Variants in TCTN3 observed in about 807,000 individuals in gnomAD.
TCTN3 encodes tectonic-3.
TCTN3 carries 57 observed loss-of-function variants against 71.3 expected under a neutral mutation model. The ratio of observed to expected loss-of-function variants is 0.80; its 90% CI spans 0.65 to 1.00. TCTN3 has a LOEUF of 1.00. Among genes scored for constraint, TCTN3 ranks in the 50% least tolerant of loss-of-function variants. The pLI is 0.00. For missense variants in TCTN3, 696 were observed against 719.9 expected (o/e 0.97, Z 0.38); for synonymous variants, 258 against 267.8 (o/e 0.96, Z 0.36).
intron 13 of TCTN3, among the ~76,000 whole-genome samples, chr10:95,672,541 T>C (rs1470182045): frequency 1.3e-5 from 2 of 152,148 alleles, no homozygotes; most frequent in African/African-American, 4.8e-5. Context: ...TGATTGTCAG[T>C]CTTTTTTGTT....
intron 13 of TCTN3, among the ~76,000 whole-genome samples, chr10:95,678,929 G>T (rs1189323110): frequency 6.6e-6 from 1 of 152,114 alleles, no homozygotes; most frequent in African/African-American, 2.4e-5. Flanking sequence ...AATTACCTTT[G>T]CAAATCCCTC....
At chr10:95,673,941 G>A (rs1446400557) in intron 13 of TCTN3, among the ~76,000 whole-genome samples, 1 of 152,168 alleles carries the variant, frequency 6.6e-6, no homozygotes, top group Admixed American at 6.5e-5. Context: ...CCATTGGTCT[G>A]TCTATCTTTA....
intron 13 of TCTN3, among the ~76,000 whole-genome samples, chr10:95,673,454 A>G (rs528092011): frequency 6.6e-6 from 1 of 152,266 alleles, no homozygotes; most frequent in African/African-American, 2.4e-5. Flanking sequence ...AAAAATTTCA[A>G]TAGTTTTTGA....
chr10:95,677,494 T>TTG (rs1566068670), intron 13 of TCTN3, among the ~76,000 whole-genome samples: 9 of 147,352 alleles, frequency 6.1e-5, no homozygotes, highest in East Asian at 5.9e-4. Flanking sequence ...TTTTTTTTTT[T>TTG]TTTTTTTGCT....
At chr10:95,679,660 C>A (rs1019490391) in intron 13 of TCTN3, among the ~76,000 whole-genome samples, 2 of 138,692 alleles carry the variant, frequency 1.4e-5, no homozygotes, top group Non-Finnish European at 3.0e-5. Context: ...GGCGGGATCT[C>A]GGCTCACTGC....
At position 95,693,055 on chromosome 10, in the gene TCTN3, GGGA is replaced by G; in HGVS notation, c.381-20_381-18del. ...CTTGAAGACCTGTGAGGAAAGAGGA[GGGA>G]GAAGATATATTTAGAAGGGGCGGGG... On this transcript the variant is annotated intron_variant, in intron 2 of 13. Transcript: ENST00000371217. 1 of 1,578,190 alleles carries G rather than the reference GGGA, an allele frequency of 6.3e-7. No individual in the cohort carries two copies. Among genetic ancestry groups the G allele is most frequent in the Non-Finnish European group, 8.7e-7 (1 of 1,152,072 alleles).
chr10:95,665,229 C>G (rs1312034727), intron 13 of TCTN3, among the ~76,000 whole-genome samples: 1 of 151,768 alleles, frequency 6.6e-6, no homozygotes. Context: ...CTGCCTCAGC[C>G]TCCTGAGTAA....
intron 12 of TCTN3, among the ~76,000 whole-genome samples, chr10:95,681,877 T>C (rs1589613014): frequency 6.6e-6 from 1 of 152,218 alleles, no homozygotes; most frequent in East Asian, 1.9e-4. Flanking sequence ...GAAAATACAT[T>C]AGGTATTTTA....
intron 12 of TCTN3, among the ~76,000 whole-genome samples, chr10:95,681,232 C>A (rs559030464): frequency 2.0e-5 from 3 of 152,208 alleles, no homozygotes; most frequent in Admixed American, 6.5e-5. Context: ...CCCACCACTA[C>A]ACCTGGCTAA....
At chr10:95,682,493 CAA>C (rs376491636) in intron 12 of TCTN3, among the ~76,000 whole-genome samples, 156 bp downstream of exon 12, 2 of 139,702 alleles carry the variant, frequency 1.4e-5, no homozygotes, top group Non-Finnish European at 1.6e-5. Flanking sequence ...GACTCCATCT[CAA>C]AAAAAAAAAG....
Position 95,678,302 on chromosome 10 carries a change from C to T in TCTN3, c.1590+2170G>A, listed in dbSNP as rs188458386. ...ATCCCAGCACTTTGGGAGGTTGAGG[C>T]GGGTGGATCACCTGAGGTCAGGAGT... On this transcript the variant is annotated intron_variant, in intron 13 of 13. Coordinates refer to ENST00000371217, the MANE Select transcript of TCTN3 (RefSeq NM_015631.6). Among the ~76,000 whole-genome samples the T allele has an allele frequency of 8.6e-3, 1,311 of 152,036 alleles. 31 individuals are homozygous for T. Among genetic ancestry groups the T allele is most frequent in the African/African-American group, 0.03 (1,253 of 41,482 alleles).
At position 95,693,468 on chromosome 10, in the gene TCTN3, T is replaced by A. The variant is rs1263060396; in HGVS notation, c.265A>T (p.Ile89Phe). The change falls in exon 2 of 14, where the codon ATC becomes TTC. Residue 89 changes from isoleucine (I) to phenylalanine (F), a missense_variant. By Grantham distance (21) the Ile-to-Phe change is conservative (BLOSUM62 0). Coordinates refer to ENST00000371217, the MANE Select transcript of TCTN3 (RefSeq NM_015631.6). ...RTVDLFPVLP[I>F]CVCDLTPGAC... Reference sequence around the variant, plus strand: ...CCAGGAGTCAAGTCACAGACACAGATCGGTAAGACTATGAAAGTACGACAC... The same window carrying A: ...CCAGGAGTCAAGTCACAGACACAGAACGGTAAGACTATGAAAGTACGACAC... 7 of 1,552,112 alleles carry A rather than the reference T, an allele frequency of 4.5e-6. No homozygotes were observed. The highest frequency in any genetic ancestry group is 2.0e-5 in the Admixed American group (1 of 50,998).
At position 95,664,220 on chromosome 10, in the gene TCTN3, C is replaced by G. The variant is rs764697929; in HGVS notation, c.1671G>C (p.Arg557Ser). The part of the protein sequence containing the change: ...VDITQKPQPP[R>S]GQPKMDWKWP... ...ATTTCCAGTCCATTTTGGGTTGGCC[C>G]CTTGGAGGCTGTGGCTTCTGGGTAA... is the stretch of plus-strand genomic sequence containing the variant. Residue 557 changes from arginine to serine, a missense_variant, in exon 14 of 14, where the codon AGG becomes AGC. By Grantham distance (110) the Arg-to-Ser change is moderately radical. Coordinates refer to ENST00000371217, the MANE Select transcript of TCTN3 (RefSeq NM_015631.6). 5.0e-6 allele frequency: 8 copies of G among 1,614,156 alleles called. No homozygotes were observed. In the South Asian group the frequency reaches 8.8e-5, roughly 18 times the overall value.
chr10:95,687,075 G>A lies in TCTN3; in HGVS notation c.821C>T (p.Ala274Val), dbSNP rs377047502. The change falls in exon 6 of 14, where the codon GCT becomes GTT. Residue 274 changes from alanine (A) to valine (V), a missense_variant. Transcript: ENST00000371217. ...SSCTLDSALN[A>V]ASYYNFTVLK... ...GACTGTGAAGTTATAGTAAGAGGCA[G>A]CATTGAGGGCTGAATCCAAGGTACA... The A allele has an allele frequency of 3.1e-6, 5 of 1,614,066 alleles. No homozygotes were observed. In the South Asian group the frequency reaches 4.4e-5, roughly 14 times the overall value.
In TCTN3 at chr10:95,686,526, G is replaced by A; in HGVS notation, c.857C>T (p.Pro286Leu). Residue 286 changes from proline to leucine, a missense_variant, in exon 7 of 14, where the codon CCA becomes CTA. By Grantham distance (98) the Pro-to-Leu change is moderately conservative. Transcript: ENST00000371217. ...SYYNFTVLKV[P>L]RSMTDPQNME... ...ATTCTGTGGATCAGTCATGCTTCTT[G>A]GAACCTAGGAGAACAGCAGGGACAT... The A allele has an allele frequency of 6.2e-7, 1 of 1,613,960 alleles. No homozygotes were observed. The highest frequency in any genetic ancestry group is 8.5e-7 in the Non-Finnish European group (1 of 1,179,940).
At chr10:95,666,220 T>C (rs747051186) in intron 13 of TCTN3, among the ~76,000 whole-genome samples, 67 of 150,778 alleles carry the variant, frequency 4.4e-4, no homozygotes, top group Non-Finnish European at 7.4e-4. Context: ...GGATTACAGG[T>C]GTGAGCCACC....
In TCTN3 at chr10:95,664,136, T is replaced by A. The variant is rs776341556; in HGVS notation, c.1755A>T (p.Lys585Asn). 22 of 1,614,168 alleles carry A rather than the reference T, an allele frequency of 1.4e-5. No homozygotes were observed. The highest frequency in any genetic ancestry group is 2.2e-5 in the East Asian group (1 of 44,868). Residue 585 changes from lysine (K) to asparagine (N), a missense_variant, in exon 14 of 14, where the codon AAA (lysine) becomes AAT (asparagine). Coordinates refer to ENST00000371217, the MANE Select transcript of TCTN3 (RefSeq NM_015631.6). The stretch of plus-strand genomic sequence containing the variant: ...GGATAAGGATGGGAGAGACTGAGCA[T>A]TTTTGAGAGAATACTCCTCTGCTGA... ...VAFSRGVFSQ[K>N]CSVSPILILC...
chr10:95,684,535 G>T lies in TCTN3; in HGVS notation c.1059C>A (p.Gly353=), dbSNP rs750698768. ...LGQTNLTVEP[G]ASLQQHFILR... ...GGATGAAGTGTTGCTGTAAGGAAGC[G>T]CCTGGCTCAACAGTCAGGTTGGTTT... is the stretch of plus-strand genomic sequence containing the variant. The change falls in exon 9 of 14, where the codon GGC becomes GGA. Residue 353 remains glycine, a synonymous_variant. Coordinates refer to ENST00000371217, the MANE Select transcript of TCTN3 (RefSeq NM_015631.6). 1.9e-6 allele frequency: 3 copies of T among 1,614,028 alleles called. No individual in the cohort carries two copies. The highest frequency in any genetic ancestry group is 4.5e-5 in the East Asian group (2 of 44,868).
At chr10:95,671,838 C>T (rs2097931737) in intron 13 of TCTN3, among the ~76,000 whole-genome samples, 1 of 152,112 alleles carries the variant, frequency 6.6e-6, no homozygotes, top group African/African-American at 2.4e-5. Flanking sequence ...TCAGGTGATC[C>T]GCCCGCCTTG....
Sources: allele counts gnomAD v4.1 joint callset (sites outside exome capture counted in the v4.1 genomes callset), GRCh38; gene constraint gnomAD v4.1.1; transcripts MANE v1.5; gene names NCBI Gene and HGNC (gene_info 2026-07-23, HGNC 2026-07-21).